RFC1: variants seen among roughly 807,000 people sequenced by gnomAD.
RFC1 encodes the protein replication factor C subunit 1.
RFC1 carries 37 observed loss-of-function variants against 137.4 expected under a neutral mutation model. The ratio of observed to expected loss-of-function variants is 0.27; its 90% confidence interval spans 0.21 to 0.35. RFC1 has a LOEUF of 0.35. Among genes scored for constraint, RFC1 ranks in the 10% least tolerant of loss-of-function variants. RFC1 has a pLI of 1.00. For missense variants in RFC1, 1,205 were observed against 1,358.5 expected, an observed-to-expected ratio of 0.89 and a Z score of 1.78; for synonymous variants, 429 against 455.7, an observed-to-expected ratio of 0.94 and a Z score of 0.75.
chr4:39,328,281 G>A (rs1380644739), intron 4 of RFC1, among the ~76,000 whole-genome samples: 1 of 152,104 alleles, frequency 6.6e-6, no homozygotes, highest in Admixed American at 6.6e-5. Context: ...TATTTACTGA[G>A]CACTCATTAT....
chr4:39,315,973 G>A (rs1739220975), intron 10 of RFC1, among the ~76,000 whole-genome samples: 1 of 152,338 alleles, frequency 6.6e-6, no homozygotes, highest in East Asian at 1.9e-4. Context: ...GCTCACGCCT[G>A]TAATCCCAGC....
At chr4:39,306,508 G>A (rs2109623512) in intron 14 of RFC1, 84 bp downstream of exon 14, 4 of 719,804 alleles carry the variant, frequency 5.6e-6, no homozygotes, top group Non-Finnish European at 1.0e-5. Flanking sequence ...ACATGCACAC[G>A]CACAGATGTG....
chr4:39,291,772 T>C lies in RFC1; in HGVS notation c.3035A>G (p.Gln1012Arg). Residue 1012 changes from glutamine (Q) to arginine (R), a missense_variant, in exon 23 of 25, where the codon CAA becomes CGA. By Grantham distance (43) the Gln-to-Arg change is conservative. This residue lies in a region of RFC1 where 237 missense variants were observed against 304.2 expected (regional missense o/e 0.78). Transcript: ENST00000349703. ...RDALVQPLTS[Q>R]GVDGVQDVVA... ...AACATCCTGTACTCCGTCTACTCCT[T>C]GTGAGGTCAAGGGCTGTACAAGTGC... 6.2e-7 allele frequency: 1 copy of C among 1,613,944 alleles called. No homozygotes were observed. The highest frequency in any genetic ancestry group is 1.1e-5 in the South Asian group (1 of 91,076).
At chr4:39,295,533 T>C in intron 22 of RFC1, 81 bp downstream of exon 22, 1 of 1,185,786 alleles carries the variant, frequency 8.4e-7, no homozygotes, top group Non-Finnish European at 1.2e-6. Context: ...ACACAAATCT[T>C]TTGACTCACA....
intron 2 of RFC1, 33 bp downstream of exon 2, chr4:39,351,315 C>T: frequency 3.2e-6 from 3 of 926,070 alleles, no homozygotes; most frequent in Non-Finnish European, 4.5e-6. Context: ...TTTTACATTT[C>T]ATTCAATGCA....
At chr4:39,297,809 C>T (rs1337256871) in intron 21 of RFC1, 1 of 152,182 alleles carries the variant, frequency 6.6e-6, no homozygotes, top group Non-Finnish European at 1.5e-5. Flanking sequence ...ATTAGATAAT[C>T]TTTGCAAATA....
intron 2 of RFC1, among the ~76,000 whole-genome samples, chr4:39,350,866 A>T (rs1741147651): frequency 2.0e-5 from 3 of 152,192 alleles, no homozygotes; most frequent in South Asian, 4.1e-4. Flanking sequence ...TAATTTTTTT[A>T]AAAAATACAC....
chr4:39,322,827 T>A (rs148112308), intron 7 of RFC1, among the ~76,000 whole-genome samples: 1 of 151,064 alleles, frequency 6.6e-6, no homozygotes, highest in African/African-American at 2.4e-5. Flanking sequence ...CTCACATCTA[T>A]AATCCTAGCA....
chr4:39,356,524 AG>A (rs1741489765), intron 1 of RFC1, among the ~76,000 whole-genome samples: 1 of 152,210 alleles, frequency 6.6e-6, no homozygotes, highest in Non-Finnish European at 1.5e-5. Flanking sequence ...TTGTTTTTAA[AG>A]ATTATGTATT....
intron 1 of RFC1, among the ~76,000 whole-genome samples, chr4:39,363,233 A>C (rs1256862176): frequency 6.6e-6 from 1 of 152,216 alleles, no homozygotes; most frequent in African/African-American, 2.4e-5. Context: ...AGTGAAATTC[A>C]AATTGTCTAC....
At position 39,320,349 on chromosome 4, in the gene RFC1, C is replaced by CAA. The variant is rs56374926; in HGVS notation, c.1095+32_1095+33dup. The CAA allele has an allele frequency of 3.4e-4, 385 of 1,118,934 alleles. No homozygotes were observed. The African/African-American group carries it at 4.3e-3, about 13-fold the overall frequency. The allele number at this position is 1,118,934 out of a possible 1,614,324, so 69.3% of individuals were successfully genotyped here. ...CAGCAACAAGAGCAAAACTCCATCT[C>CAA]AAAAAAAAAAAAAAAAAAAAACAAA... is the stretch of plus-strand genomic sequence containing the variant. On this transcript the variant is annotated intron_variant, in intron 9 of 24. Transcript: ENST00000349703.
At chr4:39,353,022 AGT>A (rs1741282121) in intron 1 of RFC1, among the ~76,000 whole-genome samples, 1 of 121,310 alleles carries the variant, frequency 8.2e-6, no homozygotes, top group African/African-American at 2.8e-5. Context: ...ATCCCAAATA[AGT>A]GTGACACACA....
chr4:39,289,900 G>A lies in RFC1; in HGVS notation c.3308C>T (p.Ser1103Phe). Reference sequence around the variant, plus strand: ...ATCTTGGTCTTTCTCATCAGATTGAGAGTCATCTTCATTTAATTCTTCATT... The same window carrying A: ...ATCTTGGTCTTTCTCATCAGATTGAAAGTCATCTTCATTTAATTCTTCATT... ...EYNEELNEDD[S>F]QSDEKDQDAI... Residue 1103 changes from serine to phenylalanine, a missense_variant, in exon 24 of 25, where the codon TCT (serine) becomes TTT (phenylalanine). Ser to Phe is a radical substitution (Grantham distance 155, BLOSUM62 -2). Coordinates refer to ENST00000349703, the MANE Select transcript of RFC1 (RefSeq NM_002913.5). 1.2e-6 allele frequency: 2 copies of A among 1,613,378 alleles called. No homozygotes were observed. Among genetic ancestry groups the A allele is most frequent in the South Asian group, 2.2e-5 (2 of 91,066 alleles).
At chr4:39,324,849 T>C (rs933884417) in intron 6 of RFC1, among the ~76,000 whole-genome samples, 1 of 152,194 alleles carries the variant, frequency 6.6e-6, no homozygotes, top group Non-Finnish European at 1.5e-5. Flanking sequence ...GTTTCTAATA[T>C]AGTTGAGGTA....
intron 1 of RFC1, among the ~76,000 whole-genome samples, chr4:39,359,090 T>G (rs1030967113): frequency 6.6e-6 from 1 of 152,094 alleles, no homozygotes; most frequent in South Asian, 2.1e-4. Context: ...AGCACCACCA[T>G]TCACCCAAAA....
intron 21 of RFC1, among the ~76,000 whole-genome samples, chr4:39,299,482 G>A (rs1056280053): frequency 2.6e-5 from 4 of 151,928 alleles, no homozygotes; most frequent in African/African-American, 4.8e-5. Context: ...GCGTGGTGAC[G>A]GGCGCCTGTA....
At chr4:39,351,888 A>G (rs1400777776) in intron 1 of RFC1, among the ~76,000 whole-genome samples, 1 of 150,934 alleles carries the variant, frequency 6.6e-6, no homozygotes, top group African/African-American at 2.4e-5. Context: ...GCTTGAACCC[A>G]GGAGGCAGAG....
intron 14 of RFC1, among the ~76,000 whole-genome samples, chr4:39,305,159 A>G (rs1738574855): frequency 6.6e-6 from 1 of 152,218 alleles, no homozygotes; most frequent in African/African-American, 2.4e-5. Flanking sequence ...ACAAACACAA[A>G]TAAGTTTGGT....
intron 1 of RFC1, among the ~76,000 whole-genome samples, chr4:39,363,183 C>G (rs571765438): frequency 6.6e-6 from 1 of 152,332 alleles, no homozygotes; most frequent in South Asian, 2.1e-4. Context: ...AATGGCATCT[C>G]TCAGGTTTTA....
Sources: allele counts gnomAD v4.1 joint callset (sites outside exome capture counted in the v4.1 genomes callset), GRCh38; gene constraint gnomAD v4.1.1; regional missense constraint gnomAD v4.1.1; transcripts MANE v1.5; gene names NCBI Gene and HGNC (gene_info 2026-07-23, HGNC 2026-07-21).